Variants in CECR2 observed in about 807,000 individuals in gnomAD.
The protein encoded by CECR2 is CECR2 histone acetyl-lysine reader.
Under a neutral mutation model 154.5 loss-of-function variants are expected in CECR2, and 30 were observed. That is an observed-to-expected ratio of 0.19 (90% CI 0.15 to 0.26). The LOEUF (loss-of-function observed/expected upper bound fraction) is 0.26, where lower values mean the gene tolerates loss of function less well. CECR2 is among the 10% of genes least tolerant of loss of function. CECR2 has a pLI of 1.00. For synonymous variants in CECR2, 725 were observed against 683.7 expected, an observed-to-expected ratio of 1.06 and a Z score of -0.94; for missense variants, 1,743 against 1,829.3, an observed-to-expected ratio of 0.95 and a Z score of 0.86.
intron 7 of CECR2, among the ~76,000 whole-genome samples, chr22:17,511,047 C>T (rs1412525772): frequency 6.6e-6 from 1 of 152,170 alleles, no homozygotes; most frequent in Non-Finnish European, 1.5e-5. Flanking sequence ...GGTGCCAGAA[C>T]TGACCCTGGA....
chr22:17,537,060 T>C (rs2056448006), intron 9 of CECR2, 43 bp from the exon 10 acceptor site: 1 of 1,608,206 alleles, frequency 6.2e-7, no homozygotes, highest in Non-Finnish European at 8.5e-7. Flanking sequence ...CATGTCAGTG[T>C]CTGGAGTGTG....
At chr22:17,437,762 A>G (rs1205641448) in intron 1 of CECR2, among the ~76,000 whole-genome samples, 1 of 152,224 alleles carries the variant, frequency 6.6e-6, no homozygotes, top group Non-Finnish European at 1.5e-5. Flanking sequence ...AGACTTTAAA[A>G]TGCAAGGTGA....
Position 17,477,570 on chromosome 22 carries a change from C to A in CECR2, c.127-18C>A. On this transcript the variant is annotated intron_variant, in intron 1 of 18. Transcript: ENST00000262608. ...AATCTCTGTTTGATTTCTCAACTTC[C>A]CTCTCTCCCTCCCTCAGGAGTTAGA... 2 of 1,541,926 alleles carry A rather than the reference C, an allele frequency of 1.3e-6. No individual in the cohort carries two copies. Among genetic ancestry groups the A allele is most frequent in the Non-Finnish European group, 1.8e-6 (2 of 1,115,448 alleles).
intron 5 of CECR2, 116 bp from the exon 6 acceptor site, chr22:17,502,966 A>G: frequency 1.2e-6 from 1 of 825,918 alleles, no homozygotes; most frequent in Non-Finnish European, 2.0e-6. Flanking sequence ...TCCCCTTAAC[A>G]CACACACATA....
chr22:17,447,094 A>T (rs1207383526), intron 1 of CECR2, among the ~76,000 whole-genome samples: 2 of 133,982 alleles, frequency 1.5e-5, no homozygotes, highest in African/African-American at 5.9e-5. Flanking sequence ...GAGTGCAGTG[A>T]CGGGATCTCT....
intron 2 of CECR2, among the ~76,000 whole-genome samples, chr22:17,495,862 A>C (rs926910580): frequency 4.3e-5 from 1 of 23,518 alleles, no homozygotes; most frequent in Non-Finnish European, 9.9e-5. Context: ...ACTCTGTCTC[A>C]AAAAAAAAAA....
intron 1 of CECR2, among the ~76,000 whole-genome samples, chr22:17,416,540 T>A (rs2054158736): frequency 6.6e-6 from 1 of 152,226 alleles, no homozygotes; most frequent in Non-Finnish European, 1.5e-5. Context: ...ATATTGTTAT[T>A]TTGAGACAGA....
At chr22:17,505,835 CTTT>C (rs3994825) in intron 7 of CECR2, among the ~76,000 whole-genome samples, 3 of 84,554 alleles carry the variant, frequency 3.5e-5, no homozygotes, top group Admixed American at 1.6e-4. Context: ...CTGCACCCGG[CTTT>C]TTTTTTTTTT....
At chr22:17,370,980 C>T (rs2063053824) in intron 1 of CECR2, among the ~76,000 whole-genome samples, 1 of 152,046 alleles carries the variant, frequency 6.6e-6, no homozygotes, top group Non-Finnish European at 1.5e-5. Flanking sequence ...CGGATGGGTT[C>T]GCCGACGCAG....
chr22:17,390,963 G>A (rs1263540772), intron 1 of CECR2, among the ~76,000 whole-genome samples: 1 of 152,026 alleles, frequency 6.6e-6, no homozygotes, highest in Non-Finnish European at 1.5e-5. Context: ...CAGATGTTCG[G>A]TGAAGTTCAA....
chr22:17,409,671 T>C (rs1601307694), intron 1 of CECR2, among the ~76,000 whole-genome samples: 1 of 112,650 alleles, frequency 8.9e-6, no homozygotes, highest in East Asian at 2.0e-4. Flanking sequence ...CTCTGTCATA[T>C]AACTCTTTTC....
chr22:17,526,445 C>T (rs2056266236), intron 9 of CECR2, among the ~76,000 whole-genome samples: 2 of 152,162 alleles, frequency 1.3e-5, no homozygotes, highest in African/African-American at 4.8e-5. Context: ...AACTGGATAT[C>T]CATAAGCAGA....
At chr22:17,536,498 C>G (rs370702283) in intron 9 of CECR2, among the ~76,000 whole-genome samples, 1 of 152,226 alleles carries the variant, frequency 6.6e-6, no homozygotes, top group African/African-American at 2.4e-5. Flanking sequence ...CCTTGCCAAT[C>G]CCAGCTGGCA....
intron 1 of CECR2, among the ~76,000 whole-genome samples, chr22:17,450,125 T>C (rs2054745029): frequency 6.6e-6 from 1 of 152,224 alleles, no homozygotes; most frequent in Non-Finnish European, 1.5e-5. Flanking sequence ...CTTGCCCTTT[T>C]AGCCTTCTGA....
intron 2 of CECR2, among the ~76,000 whole-genome samples, chr22:17,489,398 G>A (rs1240191673): frequency 1.3e-5 from 2 of 152,142 alleles, no homozygotes; most frequent in East Asian, 3.8e-4. Flanking sequence ...CTTTTTTGGT[G>A]AAATATTTGG....
In CECR2 at chr22:17,518,844, T is replaced by C. The variant is rs377501221; in HGVS notation, c.955-5274T>C. 290 of 269,906 alleles carry C rather than the reference T, an allele frequency of 1.1e-3. 3 individuals are homozygous for C. The highest frequency in any genetic ancestry group is 6.0e-3 in the African/African-American group (263 of 43,698). The allele number at this position is 269,906 out of a possible 1,614,324, so 16.7% of individuals were successfully genotyped here. ...CTCCTAAGGCTACTGAGAGCTGATG[T>C]AGGAGTTTTTACCTCTCCTTTCTCT... On this transcript the variant is annotated intron_variant, in intron 8 of 18. Coordinates refer to ENST00000262608, the MANE Select transcript of CECR2 (RefSeq NM_001290047.2).
At chr22:17,513,921 TTC>T (rs695733) in intron 8 of CECR2, among the ~76,000 whole-genome samples, 20,458 of 152,252 alleles carry the variant, frequency 0.13, 1,777 homozygotes, top group Non-Finnish European at 0.2. Context: ...CTAAAATTTC[TTC>T]TTTTATTCTT....
intron 1 of CECR2, among the ~76,000 whole-genome samples, chr22:17,441,202 G>T (rs1470466151): frequency 6.6e-6 from 1 of 152,160 alleles, no homozygotes; most frequent in African/African-American, 2.4e-5. Context: ...GCCTGCCTTG[G>T]CTTCTCAAAA....
intron 8 of CECR2, among the ~76,000 whole-genome samples, chr22:17,512,129 A>C (rs1185646707): frequency 6.6e-6 from 1 of 152,166 alleles, no homozygotes; most frequent in East Asian, 1.9e-4. Context: ...GTCCACATTT[A>C]ATAAGAATAC....
Sources: allele counts gnomAD v4.1 joint callset (sites outside exome capture counted in the v4.1 genomes callset), GRCh38; gene constraint gnomAD v4.1.1; transcripts MANE v1.5; gene names NCBI Gene and HGNC (gene_info 2026-07-23, HGNC 2026-07-21).